The following PTGER3 variants were observed in gnomAD, a reference collection of about 807,000 sequenced individuals.
PTGER3 encodes prostaglandin E receptor 3.
In PTGER3, 22 loss-of-function variants were observed where a neutral mutation model predicts 34.7. The ratio of observed to expected loss-of-function variants is 0.63; its 90% CI spans 0.45 to 0.91. The LOEUF is 0.91. PTGER3 is among the 40% of genes least tolerant of loss of function. The pLI is 0.00. For synonymous variants in PTGER3, 241 were observed against 230.1 expected, an observed-to-expected ratio of 1.05 and a Z score of -0.43; for missense variants, 468 against 519.4, an observed-to-expected ratio of 0.90 and a Z score of 0.96.
chr1:71,030,351 A>G, intron 1 of PTGER3, among the ~76,000 whole-genome samples: 1 of 152,208 alleles, frequency 6.6e-6, no homozygotes, highest in East Asian at 1.9e-4. Context: ...CAGGTTTGCA[A>G]GAATCCCAAT....
intron 4 of PTGER3, among the ~76,000 whole-genome samples, chr1:70,907,012 G>A (rs1646963030): frequency 6.6e-6 from 1 of 152,116 alleles, no homozygotes; most frequent in East Asian, 1.9e-4. Flanking sequence ...AGTGCCTCAG[G>A]GAAGTGCCAA....
intron 4 of PTGER3, among the ~76,000 whole-genome samples, chr1:70,882,618 G>C (rs960013744): frequency 3.3e-5 from 5 of 152,210 alleles, no homozygotes; most frequent in Non-Finnish European, 7.3e-5. Flanking sequence ...CTCAAAAGTT[G>C]CCTCCACAAA....
At chr1:70,963,597 G>C (rs540915556) in intron 2 of PTGER3, among the ~76,000 whole-genome samples, 1 of 152,154 alleles carries the variant, frequency 6.6e-6, no homozygotes, top group Admixed American at 6.5e-5. Flanking sequence ...CTGCCTGAAC[G>C]GTACCTTGGC....
At chr1:70,973,229 A>AGAT (rs1553169537) in intron 3 of PTGER3, among the ~76,000 whole-genome samples, 2 of 57,088 alleles carry the variant, frequency 3.5e-5, no homozygotes, top group Non-Finnish European at 8.8e-5. Flanking sequence ...GATGATAGAT[A>AGAT]GATAGATAGA....
rs562665359 is a variant in PTGER3 at position 71,009,654 on chromosome 1, A to G, written c.1077+2651T>C. 2.1e-5 allele frequency: 21 copies of G among 985,244 alleles called. No homozygotes were observed. The South Asian group carries it at 7.0e-4, about 33-fold the overall frequency. The allele number at this position is 985,244 out of a possible 1,614,324, so 61.0% of individuals were successfully genotyped here. A position where few individuals can be genotyped will look rare whatever the true frequency, so the allele number is the denominator to read the frequency against. ...AATTTTACATATATTTCTACATTTC[A>G]TTCGCTTACTTCTTCCACCATGGTT... On this transcript the variant is annotated intron_variant, in intron 2 of 3. Coordinates refer to ENST00000306666, the MANE Select transcript of PTGER3 (RefSeq NM_198719.2).
intron 4 of PTGER3, among the ~76,000 whole-genome samples, chr1:70,906,637 A>C (rs934987815): frequency 3.9e-5 from 6 of 152,186 alleles, no homozygotes; most frequent in African/African-American, 1.4e-4. Context: ...AATAGGAATA[A>C]TAATACTTGA....
At chr1:71,025,252 C>T (rs888529022) in intron 1 of PTGER3, among the ~76,000 whole-genome samples, 1 of 151,288 alleles carries the variant, frequency 6.6e-6, no homozygotes, top group Non-Finnish European at 1.5e-5. Context: ...GGACTATAAG[C>T]ACATCTTCTT....
intron 4 of PTGER3, among the ~76,000 whole-genome samples, chr1:70,941,746 C>CTGTTT (rs1196034138): frequency 2.0e-5 from 3 of 152,160 alleles, no homozygotes; most frequent in Non-Finnish European, 4.4e-5. Flanking sequence ...TCACTGGAAT[C>CTGTTT]TGTTTTGTCT....
intron 2 of PTGER3, chr1:70,953,803 A>G (rs1470178339): frequency 7.8e-7 from 1 of 1,274,972 alleles, no homozygotes; most frequent in East Asian, 2.6e-5. Context: ...AAAAAGAGTA[A>G]TAACAGTATA....
At chr1:70,884,306 T>C in intron 4 of PTGER3, among the ~76,000 whole-genome samples, 1 of 152,138 alleles carries the variant, frequency 6.6e-6, no homozygotes, top group East Asian at 1.9e-4. Context: ...CATCTCCCCT[T>C]GAGTGTGAGC....
At chr1:70,986,069 G>T (rs769930182) in intron 2 of PTGER3, among the ~76,000 whole-genome samples, 15 of 152,070 alleles carry the variant, frequency 9.9e-5, no homozygotes, top group Non-Finnish European at 1.9e-4. Context: ...CCAAGATGGC[G>T]ACAAGAGTGA....
intron 2 of PTGER3, among the ~76,000 whole-genome samples, chr1:71,001,488 G>A (rs1349522924): frequency 6.6e-6 from 1 of 152,156 alleles, no homozygotes; most frequent in East Asian, 1.9e-4. Flanking sequence ...ATCTCATTCA[G>A]GAGAAAGAGT....
At chr1:70,908,962 T>C (rs962663906) in intron 4 of PTGER3, among the ~76,000 whole-genome samples, 6 of 152,200 alleles carry the variant, frequency 3.9e-5, no homozygotes, top group Non-Finnish European at 8.8e-5. Context: ...TAGGAGCTAG[T>C]AGTGCAGAGC....
At chr1:70,902,292 CA>C (rs1646857307) in intron 4 of PTGER3, among the ~76,000 whole-genome samples, 1 of 152,140 alleles carries the variant, frequency 6.6e-6, no homozygotes, top group Non-Finnish European at 1.5e-5. Flanking sequence ...GGTAGTAGAC[CA>C]GGTAAACCTG....
At chr1:70,926,078 G>C (rs1387314799) in intron 4 of PTGER3, among the ~76,000 whole-genome samples, 1 of 152,110 alleles carries the variant, frequency 6.6e-6, no homozygotes, top group Non-Finnish European at 1.5e-5. Flanking sequence ...AGAAAATATT[G>C]TTATCAACAT....
intron 4 of PTGER3, among the ~76,000 whole-genome samples, chr1:70,908,414 T>G (rs572439195): frequency 6.6e-6 from 1 of 152,174 alleles, no homozygotes; most frequent in Non-Finnish European, 1.5e-5. Flanking sequence ...GGCGGTGTAC[T>G]GATACCTCAG....
chr1:70,871,738 C>T (rs544160915), intron 4 of PTGER3, among the ~76,000 whole-genome samples: 147 of 152,204 alleles, frequency 9.7e-4, no homozygotes, highest in African/African-American at 3.5e-3. Flanking sequence ...TAGAGGCATA[C>T]ATTAGATGCA....
intron 4 of PTGER3, among the ~76,000 whole-genome samples, chr1:70,919,710 G>A (rs1647343379): frequency 6.6e-6 from 1 of 152,054 alleles, no homozygotes; most frequent in African/African-American, 2.4e-5. Flanking sequence ...GGATAAAAGA[G>A]GATTAATATA....
chr1:71,005,919 G>A lies in PTGER3; in HGVS notation c.1077+6386C>T, dbSNP rs1463097712. Reference sequence around the variant, plus strand: ...TAATCACAATTGTACATATTCGCAGGGCACAGAGCGATGTTTCGATACATA... The same window carrying A: ...TAATCACAATTGTACATATTCGCAGAGCACAGAGCGATGTTTCGATACATA... On this transcript the variant is annotated intron_variant, in intron 2 of 3. Transcript: ENST00000306666. 3.8e-6 allele frequency: 3 copies of A among 788,272 alleles called. No individual in the cohort carries two copies. In the East Asian group the frequency reaches 3.8e-4, roughly 100 times the overall value. 48.8% of individuals were successfully genotyped at this position (788,272 alleles called of 1,614,324 possible).
Sources: allele counts gnomAD v4.1 joint callset (sites outside exome capture counted in the v4.1 genomes callset), GRCh38; gene constraint gnomAD v4.1.1; transcripts MANE v1.5; gene names NCBI Gene and HGNC (gene_info 2026-07-23, HGNC 2026-07-21).